Variants in TGFBR2 observed in about 807,000 individuals in gnomAD.
TGFBR2 encodes TGF-beta receptor type-2.
In TGFBR2, 18 loss-of-function variants were observed where a neutral mutation model predicts 49.0. The observed-to-expected ratio is 0.37, with a 90% CI of 0.25 to 0.54. The LOEUF (loss-of-function observed/expected upper bound fraction) is 0.54. Among genes scored for constraint, TGFBR2 ranks in the 20% least tolerant of loss-of-function variants. TGFBR2 has a pLI of 0.85. For missense variants in TGFBR2, 525 were observed against 722.6 expected, an observed-to-expected ratio of 0.73 and a Z score of 3.13; for synonymous variants, 282 against 275.9, an observed-to-expected ratio of 1.02 and a Z score of -0.22.
intron 3 of TGFBR2, among the ~76,000 whole-genome samples, chr3:30,661,010 G>A (rs1310101882): frequency 6.6e-6 from 1 of 152,190 alleles, no homozygotes. Context: ...CAGGTATTGT[G>A]AATAATGAAT....
intron 5 of TGFBR2, among the ~76,000 whole-genome samples, chr3:30,686,611 C>T (rs540051149): frequency 2.0e-5 from 3 of 152,136 alleles, no homozygotes; most frequent in Non-Finnish European, 4.4e-5. Context: ...GTCATCTTGC[C>T]ATGAAAGCTT....
At chr3:30,606,552 G>C (rs900248730), upstream of TGFBR2, 7 of 291,066 alleles carry the variant, frequency 2.4e-5, no homozygotes, top group Non-Finnish European at 4.5e-5. Flanking sequence ...AGCTGTTGGC[G>C]AGGAGTTTCC....
intron 3 of TGFBR2, among the ~76,000 whole-genome samples, chr3:30,660,738 C>T (rs140188829): frequency 1.5e-3 from 222 of 152,310 alleles, no homozygotes; most frequent in African/African-American, 3.5e-3. Flanking sequence ...ACAAGGTCAA[C>T]GGCCTCATTG....
intron 5 of TGFBR2, among the ~76,000 whole-genome samples, chr3:30,686,260 C>A (rs1169125036): frequency 6.6e-6 from 1 of 152,148 alleles, no homozygotes; most frequent in East Asian, 1.9e-4. Context: ...GTGCCTTAGG[C>A]ATTTACAGTC....
intron 4 of TGFBR2, among the ~76,000 whole-genome samples, chr3:30,673,045 T>G (rs1481473061): frequency 6.6e-6 from 1 of 152,342 alleles, no homozygotes; most frequent in East Asian, 1.9e-4. Context: ...ACAACATCCC[T>G]TATAAATGAT....
intron 3 of TGFBR2, among the ~76,000 whole-genome samples, chr3:30,653,150 A>T (rs1355355282): frequency 6.6e-6 from 1 of 151,242 alleles, no homozygotes; most frequent in Non-Finnish European, 1.5e-5. Flanking sequence ...GTGTGGTGGG[A>T]TATTTCTTCC....
At chr3:30,688,252 C>T (rs1352258045) in intron 5 of TGFBR2, 132 bp from the exon 6 acceptor site, 3 of 1,153,788 alleles carry the variant, frequency 2.6e-6, no homozygotes, top group Non-Finnish European at 3.9e-6. Flanking sequence ...TTAAAATTTG[C>T]TCTTAGAGTA....
intron 1 of TGFBR2, among the ~76,000 whole-genome samples, chr3:30,608,982 C>T (rs1281302256): frequency 6.6e-6 from 1 of 152,150 alleles, no homozygotes; most frequent in Non-Finnish European, 1.5e-5. Flanking sequence ...GTTCTGTTTA[C>T]AAGGATAAGG....
chr3:30,685,511 A>T (rs771353211), intron 5 of TGFBR2, among the ~76,000 whole-genome samples: 4 of 152,218 alleles, frequency 2.6e-5, no homozygotes, highest in Non-Finnish European at 5.9e-5. Flanking sequence ...GAGAAGCAGG[A>T]AGAGGCATGG....
Position 30,658,526 on chromosome 3 carries a change from T to C in TGFBR2, c.454+8066T>C, listed in dbSNP as rs1228702043. On this transcript the variant is annotated intron_variant, in intron 3 of 6. Transcript: ENST00000295754. Reference sequence around the variant, plus strand: ...TCAAAGTTCAATCTATGTGGTTAAATAGGGAAGCAGACCATAAGATGTATG... The same window carrying C: ...TCAAAGTTCAATCTATGTGGTTAAACAGGGAAGCAGACCATAAGATGTATG... 2.0e-5 allele frequency among the ~76,000 whole-genome samples: 3 copies of C among 152,146 alleles called. No individual in the cohort carries two copies. The East Asian group carries it at 5.8e-4, about 29-fold the overall frequency.
At chr3:30,612,138 C>A (rs978957047) in intron 1 of TGFBR2, among the ~76,000 whole-genome samples, 2 of 152,154 alleles carry the variant, frequency 1.3e-5, no homozygotes, top group Admixed American at 6.5e-5. Flanking sequence ...ATTGTCTCAT[C>A]TCAGGGAGAA....
chr3:30,654,070 T>G (rs1045922822), intron 3 of TGFBR2, among the ~76,000 whole-genome samples: 1 of 152,252 alleles, frequency 6.6e-6, no homozygotes, highest in Non-Finnish European at 1.5e-5. Context: ...TTTTTTCCTC[T>G]TTTTATTTCC....
chr3:30,622,913 GGAAAAA>G lies in TGFBR2; in HGVS notation c.94+15951_94+15956del, dbSNP rs58094038. Among the ~76,000 whole-genome samples, 2,875 of 140,986 alleles carry G rather than the reference GGAAAAA, an allele frequency of 0.02. 91 individuals are homozygous for G. Among genetic ancestry groups the G allele is most frequent in the African/African-American group, 0.072 (2,751 of 38,154 alleles). The allele number at this position is 140,986 out of a possible 152,430, so 92.5% of individuals were successfully genotyped here. On this transcript the variant is annotated intron_variant, in intron 1 of 6. Coordinates refer to ENST00000295754, the MANE Select transcript of TGFBR2 (RefSeq NM_003242.6). ...AAAAAAAAAAAAAAAAAAAGAGAAAGGAAAAAGAAAAAGAAAAAGAGAAACTAGTAC... is the reference window on the plus strand; with the variant it reads ...AAAAAAAAAAAAAAAAAAAGAGAAAGGAAAAAGAAAAAGAGAAACTAGTAC...
intron 1 of TGFBR2, among the ~76,000 whole-genome samples, chr3:30,635,920 G>A (rs562031261): frequency 2.0e-5 from 3 of 152,064 alleles, no homozygotes; most frequent in Non-Finnish European, 4.4e-5. Flanking sequence ...CACACTTCCC[G>A]TATCAGCTCT....
intron 3 of TGFBR2, among the ~76,000 whole-genome samples, chr3:30,667,277 C>A (rs1243199107): frequency 1.3e-5 from 2 of 152,180 alleles, no homozygotes. Context: ...GAAGCATTTC[C>A]TGTTGGTCTT....
intron 1 of TGFBR2, among the ~76,000 whole-genome samples, chr3:30,617,006 C>G (rs1698145497): frequency 6.6e-6 from 1 of 151,796 alleles, no homozygotes; most frequent in Non-Finnish European, 1.5e-5. Flanking sequence ...GAAAATTTTT[C>G]CTAAGGTAGA....
Position 30,680,135 on chromosome 3 carries a change from C to G in TGFBR2, c.1396+5889C>G, listed in dbSNP as rs544142878. The stretch of plus-strand genomic sequence containing the variant: ...GCGAGACTCCATCCCCCCCGCCCCC[C>G]AAAAAAAATAGTAGCTATGATTCCT... On this transcript the variant is annotated intron_variant, in intron 5 of 6. Transcript: ENST00000295754. Among the ~76,000 whole-genome samples the G allele has an allele frequency of 4.7e-5, 7 of 148,026 alleles. No homozygotes were observed. The East Asian group carries it at 1.4e-3, about 30-fold the overall frequency.
rs1699347759 is a variant in TGFBR2 at position 30,671,988 on chromosome 3, G to T, written c.805G>T (p.Glu269Ter). 6.2e-7 allele frequency: 1 copy of T among 1,614,196 alleles called. No individual in the cohort carries two copies. The highest frequency in any genetic ancestry group is 8.5e-7 in the Non-Finnish European group (1 of 1,180,030). Residue 269 changes from glutamate to a stop codon, truncating the protein, a stop_gained, in exon 4 of 7, where the codon GAG becomes TAG. Coordinates refer to ENST00000295754, the MANE Select transcript of TGFBR2 (RefSeq NM_003242.6). LOFTEE classifies it high-confidence loss of function. ...YKAKLKQNTS[E>*]QFETVAVKIF... is the part of the protein sequence containing the mutation. ...GGCCAAGCTGAAGCAGAACACTTCAGAGCAGTTTGAGACAGTGGCAGTCAA... is the reference window on the plus strand; with the variant it reads ...GGCCAAGCTGAAGCAGAACACTTCATAGCAGTTTGAGACAGTGGCAGTCAA...
chr3:30,648,419 T>G (rs868695155), intron 2 of TGFBR2, among the ~76,000 whole-genome samples: 1 of 115,516 alleles, frequency 8.7e-6, no homozygotes, highest in African/African-American at 3.1e-5. Context: ...AAAAACAACC[T>G]ACACACACAC....
Sources: gnomAD v4.1 joint callset for allele counts (sites outside exome capture counted in the v4.1 genomes callset) on GRCh38, gnomAD v4.1.1 for gene constraint, MANE v1.5 for transcripts, NCBI Gene and HGNC (gene_info 2026-07-23, HGNC 2026-07-21) for gene names.